The following PITPNC1 variants were observed in gnomAD, a reference collection of about 807,000 sequenced individuals.
The protein encoded by PITPNC1 is cytoplasmic phosphatidylinositol transfer protein 1.
In PITPNC1, 18 loss-of-function variants were observed where a neutral mutation model predicts 44.7. The ratio of observed to expected loss-of-function variants is 0.40; its 90% CI spans 0.28 to 0.60. PITPNC1 has a LOEUF of 0.60. PITPNC1 is among the 20% of genes least tolerant of loss of function. The pLI is 0.39. For synonymous variants in PITPNC1, 141 were observed against 149.6 expected (o/e 0.94, Z 0.42); for missense variants, 290 against 418.4 (o/e 0.69, Z 2.68).
intron 1 of PITPNC1, among the ~76,000 whole-genome samples, chr17:67,383,943 A>G (rs1428293193): frequency 6.6e-6 from 1 of 152,192 alleles, no homozygotes; most frequent in Non-Finnish European, 1.5e-5. Flanking sequence ...AGGGTGAGGC[A>G]GGAGAATTAC....
chr17:67,442,204 C>CATTTAT (rs1178533056), intron 1 of PITPNC1, among the ~76,000 whole-genome samples: 1 of 54,218 alleles, frequency 1.8e-5, no homozygotes, highest in Non-Finnish European at 3.9e-5. Context: ...GGAAAATAAG[C>CATTTAT]ATATATATAT....
At chr17:67,402,654 CAT>C (rs542969133) in intron 1 of PITPNC1, among the ~76,000 whole-genome samples, 45 of 152,230 alleles carry the variant, frequency 3.0e-4, no homozygotes, top group African/African-American at 6.5e-4. Context: ...AGTTTGACCA[CAT>C]GTTTTTATTG....
rs1227721670 is a variant in PITPNC1, at chr17:67,676,298, C to G, written c.682+756C>G. ...TAAGGGCAGACAGAGGCATAGGTGC[C>G]CCGTTCATCCTAATTGAAACTATTG... is the stretch of plus-strand genomic sequence containing the variant. On this transcript the variant is annotated intron_variant, in intron 8 of 8. Coordinates refer to ENST00000581322, the MANE Select transcript of PITPNC1 (RefSeq NM_012417.4). This position sits in a 1 kb window ranked among gnomAD's most constrained non-coding sequence, Gnocchi z 4.0. Among the ~76,000 whole-genome samples, 1 of 152,060 alleles carries G rather than the reference C, an allele frequency of 6.6e-6. No individual in the cohort carries two copies. Among genetic ancestry groups the G allele is most frequent in the African/African-American group, 2.4e-5 (1 of 41,400 alleles).
At chr17:67,411,736 A>T (rs2038501463) in intron 1 of PITPNC1, among the ~76,000 whole-genome samples, 1 of 152,170 alleles carries the variant, frequency 6.6e-6, no homozygotes, top group Non-Finnish European at 1.5e-5. Context: ...CTTGCTCCTT[A>T]TTCCTCTTAC....
rs962197745 is a variant in PITPNC1 at position 67,445,798 on chromosome 17, A to G, written c.48+67596A>G. ...TCTCCTGCTGAGAGAATTAGCGGCA[A>G]TCTCATTCAGGAAGCTGCCTTCTGA... is the stretch of plus-strand genomic sequence containing the variant. On this transcript the variant is annotated intron_variant, in intron 1 of 8. Coordinates refer to ENST00000581322, the MANE Select transcript of PITPNC1 (RefSeq NM_012417.4). Among the ~76,000 whole-genome samples the G allele has an allele frequency of 2.6e-5, 4 of 152,040 alleles. 1 individual carries two copies. The highest frequency in any genetic ancestry group is 1.9e-4 in the East Asian group (1 of 5,198).
chr17:67,519,145 T>C (rs1211666066), intron 1 of PITPNC1, among the ~76,000 whole-genome samples: 1 of 151,746 alleles, frequency 6.6e-6, no homozygotes, highest in African/African-American at 2.4e-5. Flanking sequence ...CAGATTCTTG[T>C]ATACTCATGT....
At chr17:67,586,505 G>C (rs957864026) in intron 5 of PITPNC1, among the ~76,000 whole-genome samples, 1 of 151,472 alleles carries the variant, frequency 6.6e-6, no homozygotes, top group African/African-American at 2.4e-5. Context: ...TGAGGCAGAA[G>C]AATCACTTGA....
At chr17:67,428,957 C>A (rs897429448) in intron 1 of PITPNC1, among the ~76,000 whole-genome samples, 7 of 148,902 alleles carry the variant, frequency 4.7e-5, no homozygotes, top group Non-Finnish European at 7.4e-5. Flanking sequence ...TCTCCTGCCT[C>A]AGCCTCCCGA....
intron 1 of PITPNC1, among the ~76,000 whole-genome samples, chr17:67,381,346 A>G (rs917903301): frequency 6.7e-6 from 1 of 149,152 alleles, no homozygotes; most frequent in East Asian, 2.0e-4. Flanking sequence ...AAAAAAAAAA[A>G]GGGCTGGGAT....
rs1567788128 is a variant in PITPNC1, at chr17:67,695,633, A to ATAT, written c.*2745_*2746insTAT. 5 of 136,174 alleles carry ATAT rather than the reference A, an allele frequency of 3.7e-5. No homozygotes were observed. Among genetic ancestry groups the ATAT allele is most frequent in the Non-Finnish European group, 6.4e-5 (4 of 62,470 alleles). The allele number at this position is 136,174 out of a possible 1,614,324, so 8.4% of individuals were successfully genotyped here. Reference sequence around the variant, plus strand: ...ATATATATATATATATATATATATAAATATAAATATAGTATAGTGAATCAG... The same window carrying ATAT: ...ATATATATATATATATATATATATAATATATATAAATATAGTATAGTGAATCAG... On this transcript the variant is annotated 3_prime_UTR_variant, in exon 9 of 9. Transcript: ENST00000581322.
intron 4 of PITPNC1, among the ~76,000 whole-genome samples, chr17:67,556,512 A>G (rs1291952944): frequency 6.6e-6 from 1 of 152,226 alleles, no homozygotes; most frequent in Non-Finnish European, 1.5e-5. Context: ...AACTGGTCTC[A>G]GAGACTCAAG....
Position 67,692,689 on chromosome 17 carries a change from C to A in PITPNC1, c.800C>A (p.Ser267Tyr). 1.9e-6 allele frequency: 3 copies of A among 1,613,796 alleles called. No homozygotes were observed. Among genetic ancestry groups the A allele is most frequent in the Non-Finnish European group, 2.5e-6 (3 of 1,179,742 alleles). The part of the protein sequence containing the change: ...SISSIPLLPS[S>Y]VRSAPSSAPS... ...TCCAGCATCCCCCTGCTGCCTTCTTCCGTCCGCAGTGCGCCTTCTAGTGCT... is the reference window on the plus strand; with the variant it reads ...TCCAGCATCCCCCTGCTGCCTTCTTACGTCCGCAGTGCGCCTTCTAGTGCT... The change falls in exon 9 of 9, where the codon TCC (serine) becomes TAC (tyrosine). Residue 267 changes from serine (S) to tyrosine (Y), a missense_variant. By Grantham distance (144) the Ser-to-Tyr change is moderately radical (BLOSUM62 -2). Coordinates refer to ENST00000581322, the MANE Select transcript of PITPNC1 (RefSeq NM_012417.4).
chr17:67,638,649 T>C (rs1166657334), intron 6 of PITPNC1: 1 of 152,228 alleles, frequency 6.6e-6, no homozygotes, highest in Non-Finnish European at 1.5e-5. Flanking sequence ...TAAATCTTCA[T>C]TGATTCATGT....
chr17:67,454,695 G>A (rs1473920754), intron 1 of PITPNC1, among the ~76,000 whole-genome samples: 1 of 151,858 alleles, frequency 6.6e-6, no homozygotes, highest in Non-Finnish European at 1.5e-5. Context: ...ACACAAAAAA[G>A]CACAATAAAA....
chr17:67,409,166 G>C, intron 1 of PITPNC1, among the ~76,000 whole-genome samples: 1 of 141,458 alleles, frequency 7.1e-6, no homozygotes, highest in Non-Finnish European at 1.5e-5. Flanking sequence ...CTCACTGCAA[G>C]CTCCGCTTCC....
Position 67,630,209 on chromosome 17 carries a change from C to G in PITPNC1, c.367-1934C>G, listed in dbSNP as rs142390296. ...CTGTTCTTCCAAAATATTGCATTCTCTCCCGAAGAGTCAGATGTAATTAGT... is the reference window on the plus strand; with the variant it reads ...CTGTTCTTCCAAAATATTGCATTCTGTCCCGAAGAGTCAGATGTAATTAGT... On this transcript the variant is annotated intron_variant, in intron 5 of 8. Transcript: ENST00000581322. Among the ~76,000 whole-genome samples, 993 of 152,352 alleles carry G rather than the reference C, an allele frequency of 6.5e-3. 4 individuals carry two copies. Among genetic ancestry groups the G allele is most frequent in the Middle Eastern group, 0.014 (4 of 294 alleles).
intron 4 of PITPNC1, among the ~76,000 whole-genome samples, chr17:67,556,875 C>A (rs1254601239): frequency 6.6e-6 from 1 of 152,142 alleles, no homozygotes; most frequent in Admixed American, 6.5e-5. Flanking sequence ...TAAGGAAGAA[C>A]TGTGTTGCAT....
intron 6 of PITPNC1, among the ~76,000 whole-genome samples, chr17:67,635,004 A>C (rs981609993): frequency 4.6e-5 from 7 of 152,136 alleles, no homozygotes; most frequent in Non-Finnish European, 1.0e-4. Context: ...CTGAGGTTGA[A>C]CCCAGGAGGC....
chr17:67,417,984 C>T (rs2038612111), intron 1 of PITPNC1, among the ~76,000 whole-genome samples: 1 of 152,184 alleles, frequency 6.6e-6, no homozygotes, highest in South Asian at 2.1e-4. Context: ...GTCCAGGCTG[C>T]AGTGGACGTC....
Sources: gnomAD v4.1 joint callset for allele counts (sites outside exome capture counted in the v4.1 genomes callset) on GRCh38, gnomAD v4.1.1 for gene constraint, Gnocchi (gnomAD v3.1) non-coding constraint, MANE v1.5 for transcripts, NCBI Gene and HGNC (gene_info 2026-07-23, HGNC 2026-07-21) for gene names.